The following HIRA variants were observed in gnomAD, a reference collection of about 807,000 sequenced individuals.
HIRA encodes histone cell cycle regulator, also known as protein HIRA.
HIRA carries 13 observed loss-of-function variants against 126.6 expected under a neutral mutation model. That is an observed-to-expected ratio of 0.10 (90% CI 0.07 to 0.16). HIRA has a LOEUF of 0.16. Among genes scored for constraint, HIRA ranks in the 10% least tolerant of loss-of-function variants. The probability of loss-of-function intolerance (pLI) is 1.00; values close to 1 mark genes in which losing one functional copy is unlikely to be tolerated. For missense variants in HIRA, 834 were observed against 1,314.4 expected, an observed-to-expected ratio of 0.63 and a Z score of 5.65; for synonymous variants, 511 against 520.0, an observed-to-expected ratio of 0.98 and a Z score of 0.24.
intron 14 of HIRA, among the ~76,000 whole-genome samples, chr22:19,376,590 T>A (rs2089021341): frequency 6.6e-6 from 1 of 152,194 alleles, no homozygotes; most frequent in South Asian, 2.1e-4. Flanking sequence ...TCTGGCATGG[T>A]CTGTCCTTCC....
chr22:19,420,139 T>C (rs1438304135), intron 1 of HIRA, among the ~76,000 whole-genome samples: 1 of 151,984 alleles, frequency 6.6e-6, no homozygotes, highest in Non-Finnish European at 1.5e-5. Context: ...TCACTTCTCC[T>C]GAAGCATCTG....
intron 13 of HIRA, among the ~76,000 whole-genome samples, chr22:19,383,187 A>G (rs1385621813): frequency 6.6e-6 from 1 of 152,194 alleles, no homozygotes; most frequent in Non-Finnish European, 1.5e-5. Context: ...AAACATTAAC[A>G]GTGACTGTAT....
intron 24 of HIRA, among the ~76,000 whole-genome samples, chr22:19,334,347 A>G (rs1379139846): frequency 6.7e-6 from 1 of 150,308 alleles, no homozygotes; most frequent in African/African-American, 2.4e-5. Flanking sequence ...TTTTTAAGAC[A>G]TTTATTTTAA....
At chr22:19,403,613 A>G (rs1320010995) in intron 5 of HIRA, among the ~76,000 whole-genome samples, 2 of 152,218 alleles carry the variant, frequency 1.3e-5, no homozygotes, top group South Asian at 2.1e-4. Context: ...CTCTGTCTCA[A>G]GTAAATAAAT....
intron 21 of HIRA, among the ~76,000 whole-genome samples, chr22:19,355,033 G>T (rs1196657688): frequency 6.6e-6 from 1 of 151,948 alleles, no homozygotes; most frequent in East Asian, 1.9e-4. Flanking sequence ...CTCCCACAGC[G>T]CTGGGATTAC....
chr22:19,371,135 TTTTA>T (rs1338643673), intron 15 of HIRA, among the ~76,000 whole-genome samples: 1 of 152,186 alleles, frequency 6.6e-6, no homozygotes, highest in Non-Finnish European at 1.5e-5. Flanking sequence ...GGGGAATTCA[TTTTA>T]TTTATTTTGT....
Position 19,431,599 on chromosome 22 carries a change from G to T in HIRA, c.-123C>A. ...GCCCTCCGGCCGCCGCCCGCCCCGC[G>T]CCCTCAGGGCCGCCGCGCCATCGCC... On this transcript the variant is annotated 5_prime_UTR_variant, in exon 1 of 25. Transcript: ENST00000263208. 1.1e-6 allele frequency: 1 copy of T among 880,468 alleles called. No homozygotes were observed. Among genetic ancestry groups the T allele is most frequent in the Non-Finnish European group, 1.4e-6 (1 of 736,430 alleles). 54.5% of individuals were successfully genotyped at this position (880,468 alleles called of 1,614,324 possible). A position where few individuals can be genotyped will look rare whatever the true frequency, so the allele number is the denominator to read the frequency against.
chr22:19,385,498 G>A lies in HIRA; in HGVS notation c.1329+23C>T, dbSNP rs781195042. ...CCCTGGGCATATGTCCATGTCTTTAGCGCCACCAGGCAGGGCTCTCACCTT... is the reference window on the plus strand; with the variant it reads ...CCCTGGGCATATGTCCATGTCTTTAACGCCACCAGGCAGGGCTCTCACCTT... On this transcript the variant is annotated intron_variant, in intron 12 of 24. Coordinates refer to ENST00000263208, the MANE Select transcript of HIRA (RefSeq NM_003325.4). 4.0e-5 allele frequency: 65 copies of A among 1,605,718 alleles called. 4 individuals carry two copies. The South Asian group carries it at 7.2e-4, about 18-fold the overall frequency.
At position 19,331,130 on chromosome 22, in the gene HIRA, T is replaced by C; in HGVS notation, c.*310A>G. The stretch of plus-strand genomic sequence containing the variant: ...CAGCAGCAGGGGCTAGTGTCCACCT[T>C]GGGGCCGTGCTGGAGACGGCAGGCC... On this transcript the variant is annotated 3_prime_UTR_variant, in exon 25 of 25. Transcript: ENST00000263208. The C allele has an allele frequency of 7.7e-7, 1 of 1,302,948 alleles. No individual in the cohort carries two copies. The highest frequency in any genetic ancestry group is 1.0e-6 in the Non-Finnish European group (1 of 999,432). The allele number at this position is 1,302,948 out of a possible 1,614,324, so 80.7% of individuals were successfully genotyped here. A position where few individuals can be genotyped will look rare whatever the true frequency, so the allele number is the denominator to read the frequency against.
At chr22:19,423,484 C>T (rs1422909768) in intron 1 of HIRA, among the ~76,000 whole-genome samples, 1 of 76,992 alleles carries the variant, frequency 1.3e-5, no homozygotes, top group East Asian at 3.2e-4. Context: ...CACATGCATA[C>T]ACACACACAC....
At chr22:19,402,299 C>T (rs1223513683) in intron 5 of HIRA, among the ~76,000 whole-genome samples, 2 of 152,182 alleles carry the variant, frequency 1.3e-5, no homozygotes, top group Admixed American at 6.5e-5. Context: ...TTTCATCTAG[C>T]CTTTCAATTT....
chr22:19,342,656 G>A (rs1185610154), intron 24 of HIRA, among the ~76,000 whole-genome samples: 1 of 152,182 alleles, frequency 6.6e-6, no homozygotes, highest in Non-Finnish European at 1.5e-5. Context: ...CCAAAGTGCT[G>A]GGATTACAGG....
intron 24 of HIRA, among the ~76,000 whole-genome samples, chr22:19,348,564 C>T (rs1468639622): frequency 2.0e-5 from 3 of 151,474 alleles, no homozygotes; most frequent in Admixed American, 6.6e-5. Context: ...GGCGCGATCT[C>T]GGCTCACTGC....
intron 5 of HIRA, among the ~76,000 whole-genome samples, chr22:19,400,187 T>G (rs376701857): frequency 1.7e-4 from 26 of 152,376 alleles, no homozygotes; most frequent in African/African-American, 6.3e-4. Context: ...TTGTGATTTC[T>G]TCTATTGCCT....
rs781789925 is a variant in HIRA at position 19,355,851 on chromosome 22, C to A, written c.2470G>T (p.Val824Leu). The A allele has an allele frequency of 1.8e-5, 29 of 1,611,744 alleles. No homozygotes were observed. Among genetic ancestry groups the A allele is most frequent in the Non-Finnish European group, 2.4e-5 (28 of 1,177,990 alleles). Reference protein sequence around the residue: ...HSILAGSDMTVSQILLTQHGI... With the variant: ...HSILAGSDMTLSQILLTQHGI... ...TGCTGCGTCAGCAAGATCTGTGATA[C>A]CGTCATATCACTTCCTGAGGACAGC... Residue 824 changes from valine to leucine, a missense_variant, in exon 21 of 25, where the codon GTA (valine) becomes TTA (leucine). Around this residue, in one of 5 missense-constraint regions of HIRA, gnomAD observed 468 missense variants for 574.2 expected, o/e 0.82. Transcript: ENST00000263208.
chr22:19,350,173 C>T (rs995866229), intron 24 of HIRA, among the ~76,000 whole-genome samples: 3 of 152,090 alleles, frequency 2.0e-5, no homozygotes. Flanking sequence ...CATCACCACT[C>T]AAGACACTAC....
At chr22:19,386,257 T>C (rs1412835007) in intron 11 of HIRA, among the ~76,000 whole-genome samples, 2 of 152,164 alleles carry the variant, frequency 1.3e-5, no homozygotes, top group South Asian at 2.1e-4. Flanking sequence ...GAGCCTCCTT[T>C]ACTCCCACCC....
At chr22:19,345,485 C>A (rs1314193664) in intron 24 of HIRA, among the ~76,000 whole-genome samples, 1 of 152,242 alleles carries the variant, frequency 6.6e-6, no homozygotes, top group African/African-American at 2.4e-5. Flanking sequence ...GCCACTGCCA[C>A]AGGTCTTACA....
chr22:19,428,808 T>G (rs2089508127), intron 1 of HIRA, among the ~76,000 whole-genome samples: 1 of 152,140 alleles, frequency 6.6e-6, no homozygotes, highest in African/African-American at 2.4e-5. Flanking sequence ...ATGTTTGTGC[T>G]TCACAAAATT....
Sources: gnomAD v4.1 joint callset for allele counts (sites outside exome capture counted in the v4.1 genomes callset) on GRCh38, gnomAD v4.1.1 for gene constraint, gnomAD v4.1.1 regional missense constraint, MANE v1.5 for transcripts, NCBI Gene and HGNC (gene_info 2026-07-23, HGNC 2026-07-21) for gene names.